The following CIT variants were observed in gnomAD, a reference collection of about 807,000 sequenced individuals.
The protein encoded by CIT is citron Rho-interacting kinase.
A neutral mutation model predicts 272.7 loss-of-function variants in CIT; 79 were observed. That is an observed-to-expected ratio of 0.29 (90% CI 0.24 to 0.35). The LOEUF is 0.35. Ranked by LOEUF, CIT falls within the 10% of genes least tolerant of loss-of-function variation. The pLI is 1.00. For missense variants in CIT, 1,909 were observed against 2,618.3 expected (o/e 0.73, Z 5.91); for synonymous variants, 948 against 995.6 (o/e 0.95, Z 0.90).
chr12:119,702,091 C>T (rs1956617888), intron 41 of CIT, 133 bp from the exon 42 acceptor site: 5 of 647,990 alleles, frequency 7.7e-6, no homozygotes, highest in Non-Finnish European at 1.3e-5. Context: ...TTCACGTTGT[C>T]ATAGAGAGCC....
chr12:119,761,483 C>T (rs1961786734), intron 19 of CIT, among the ~76,000 whole-genome samples: 1 of 152,090 alleles, frequency 6.6e-6, no homozygotes, highest in Admixed American at 6.6e-5. Flanking sequence ...CAGAATATTC[C>T]TCACTCCTAA....
At chr12:119,872,196 A>G (rs1385623705) in intron 2 of CIT, among the ~76,000 whole-genome samples, 1 of 152,180 alleles carries the variant, frequency 6.6e-6, no homozygotes, top group Non-Finnish European at 1.5e-5. Context: ...TACAAGGGCC[A>G]GAAAATAATA....
intron 7 of CIT, among the ~76,000 whole-genome samples, chr12:119,831,636 G>A (rs376435592): frequency 2.0e-3 from 310 of 152,314 alleles, no homozygotes; most frequent in African/African-American, 6.9e-3. Context: ...TTGGGAGGCC[G>A]AAGCGAGTGG....
rs768920012 is a variant in CIT, at chr12:119,734,208, C to G, written c.3306G>C (p.Arg1102=). ...CCAGCATTCTCTGCAGCTCTCGAAC[C>G]CGACACTCAAACTGGGATTTCTCAT... ...LGDEKSQFEC[R]VRELQRMLDT... is the part of the protein sequence containing the mutation. The change falls in exon 26 of 48, where the codon CGG becomes CGC. Residue 1102 remains arginine (R), a synonymous_variant. Transcript: ENST00000392521. 6.2e-7 allele frequency: 1 copy of G among 1,613,836 alleles called. No homozygotes were observed. Among genetic ancestry groups the G allele is most frequent in the African/African-American group, 1.3e-5 (1 of 74,950 alleles).
At chr12:119,823,407 G>A (rs1967890037) in intron 8 of CIT, among the ~76,000 whole-genome samples, 1 of 152,164 alleles carries the variant, frequency 6.6e-6, no homozygotes, top group African/African-American at 2.4e-5. Flanking sequence ...TGTGATTTCA[G>A]TGTGATGAAA....
At chr12:119,814,841 A>C (rs1004790489) in intron 9 of CIT, among the ~76,000 whole-genome samples, 13 of 152,114 alleles carry the variant, frequency 8.5e-5, no homozygotes, top group African/African-American at 3.1e-4. Flanking sequence ...GTTCGAGACC[A>C]GCCTGGCCAA....
At chr12:119,700,662 T>C in intron 44 of CIT, 83 bp downstream of exon 44, 9 of 1,162,534 alleles carry the variant, frequency 7.7e-6, no homozygotes, top group Non-Finnish European at 1.2e-5. Context: ...ATTACAGGCG[T>C]GAGCCACCGC....
intron 28 of CIT, among the ~76,000 whole-genome samples, chr12:119,724,144 A>T (rs149715732): frequency 5.9e-5 from 9 of 152,128 alleles, no homozygotes; most frequent in Non-Finnish European, 5.9e-5. Context: ...AATAAAAGAG[A>T]AGGCAATTTG....
At chr12:119,727,876 G>A (rs1217877901) in intron 28 of CIT, among the ~76,000 whole-genome samples, 2 of 150,842 alleles carry the variant, frequency 1.3e-5, no homozygotes, top group South Asian at 2.1e-4. Flanking sequence ...GCTGCAGTGA[G>A]TAGTGATTGC....
chr12:119,837,193 G>A (rs1454224614), intron 5 of CIT, among the ~76,000 whole-genome samples: 1 of 152,124 alleles, frequency 6.6e-6, no homozygotes, highest in Non-Finnish European at 1.5e-5. Context: ...TGCACCATTA[G>A]GAGAATGTAA....
chr12:119,728,679 A>C lies in CIT; in HGVS notation c.3487-73T>G. 3.0e-6 allele frequency: 3 copies of C among 999,456 alleles called. No homozygotes were observed. The highest frequency in any genetic ancestry group is 4.6e-6 in the Non-Finnish European group (3 of 651,434). 61.9% of individuals were successfully genotyped at this position (999,456 alleles called of 1,614,324 possible). On this transcript the variant is annotated intron_variant, in intron 27 of 47. Coordinates refer to ENST00000392521, the MANE Select transcript of CIT (RefSeq NM_001206999.2). This position sits in a 1 kb window ranked among gnomAD's most constrained non-coding sequence, Gnocchi z 4.3. ...ATGCTGACAACGTTTATGAATGTCC[A>C]CGAACCTTCACGGAGAAAGAATATT... is the stretch of plus-strand genomic sequence containing the variant.
intron 9 of CIT, among the ~76,000 whole-genome samples, chr12:119,815,065 C>T (rs534567441): frequency 7.4e-6 from 1 of 135,918 alleles, no homozygotes; most frequent in African/African-American, 2.8e-5. Context: ...GGGCCCAAAA[C>T]GAATATGTGC....
At chr12:119,840,269 G>A (rs1048555806) in intron 5 of CIT, among the ~76,000 whole-genome samples, 29 of 152,206 alleles carry the variant, frequency 1.9e-4, no homozygotes, top group African/African-American at 6.8e-4. Flanking sequence ...AATGAGCTAC[G>A]ATCGTGCCAC....
intron 44 of CIT, among the ~76,000 whole-genome samples, chr12:119,698,702 A>G (rs1956374778): frequency 6.6e-6 from 1 of 152,212 alleles, no homozygotes; most frequent in African/African-American, 2.4e-5. Context: ...TACACTGCTC[A>G]GTGCAAAAAG....
intron 6 of CIT, among the ~76,000 whole-genome samples, chr12:119,833,081 A>G (rs781532985): frequency 4.6e-5 from 7 of 152,166 alleles, no homozygotes; most frequent in Non-Finnish European, 7.3e-5. Flanking sequence ...GGGGAAAGAG[A>G]AAAAGGGCGA....
intron 19 of CIT, among the ~76,000 whole-genome samples, chr12:119,763,749 A>G (rs532526906): frequency 6.6e-6 from 1 of 152,210 alleles, no homozygotes; most frequent in Non-Finnish European, 1.5e-5. Flanking sequence ...GACAATATTC[A>G]AGATATAATA....
Position 119,770,648 on chromosome 12 carries a change from T to G in CIT, c.2208+137A>C. On this transcript the variant is annotated intron_variant, in intron 18 of 47. Transcript: ENST00000392521. This position sits in a 1 kb window ranked among gnomAD's most constrained non-coding sequence, Gnocchi z 4.4. Reference sequence around the variant, plus strand: ...TCATACTACTCTACGATGTGGCATATGCTGAAACCACCTCACTCAATTCAT... The same window carrying G: ...TCATACTACTCTACGATGTGGCATAGGCTGAAACCACCTCACTCAATTCAT... The G allele has an allele frequency of 8.5e-6, 8 of 944,650 alleles. No individual in the cohort carries two copies. The highest frequency in any genetic ancestry group is 1.3e-5 in the Non-Finnish European group (8 of 614,888). The allele number at this position is 944,650 out of a possible 1,614,324, so 58.5% of individuals were successfully genotyped here.
At chr12:119,763,738 C>T (rs563767567) in intron 19 of CIT, among the ~76,000 whole-genome samples, 15 of 151,954 alleles carry the variant, frequency 9.9e-5, no homozygotes, top group Middle Eastern at 3.4e-3. Context: ...AAAAGGGAAG[C>T]GACAATATTC....
chr12:119,781,260 G>A (rs385930), intron 13 of CIT, among the ~76,000 whole-genome samples: 85,482 of 152,092 alleles, frequency 0.56, 24,884 homozygotes, highest in African/African-American at 0.7. Context: ...TCCTATGCAC[G>A]TTTATTTATA....
Sources: allele counts gnomAD v4.1 joint callset (sites outside exome capture counted in the v4.1 genomes callset), GRCh38; gene constraint gnomAD v4.1.1; non-coding constraint Gnocchi (gnomAD v3.1); transcripts MANE v1.5; gene names NCBI Gene and HGNC (gene_info 2026-07-23, HGNC 2026-07-21).